PAPOLA: variants seen among roughly 807,000 people sequenced by gnomAD.
PAPOLA encodes polynucleotide adenylyltransferase alpha.
A neutral mutation model predicts 100.6 loss-of-function variants in PAPOLA; 15 were observed. The ratio of observed to expected loss-of-function variants is 0.15; its 90% CI spans 0.10 to 0.23. PAPOLA has a LOEUF of 0.23. Among genes scored for constraint, PAPOLA ranks in the 10% least tolerant of loss-of-function variants. The pLI is 1.00. For missense variants in PAPOLA, 533 were observed against 884.2 expected, an observed-to-expected ratio of 0.60 and a Z score of 5.04; for synonymous variants, 293 against 300.0, an observed-to-expected ratio of 0.98 and a Z score of 0.24.
At chr14:96,534,852 G>A (rs1337934687) in intron 10 of PAPOLA, 8 of 1,120,776 alleles carry the variant, frequency 7.1e-6, no homozygotes, top group Non-Finnish European at 8.7e-6. Flanking sequence ...AAGTTGTGTG[G>A]GCATTTGTGC....
Position 96,510,926 on chromosome 14 carries a change from T to C in PAPOLA, c.8+8326T>C, listed in dbSNP as rs147895699. On this transcript the variant is annotated intron_variant, in intron 1 of 21. Transcript: ENST00000216277. Reference sequence around the variant, plus strand: ...ATTTTGGCTAATAATTAATATTTAATGCACATTGAGATACTTTAGAGAGAT... The same window carrying C: ...ATTTTGGCTAATAATTAATATTTAACGCACATTGAGATACTTTAGAGAGAT... 9.7e-4 allele frequency among the ~76,000 whole-genome samples: 148 copies of C among 152,354 alleles called. 1 individual carries two copies. The highest frequency in any genetic ancestry group is 3.5e-3 in the African/African-American group (146 of 41,586).
At chr14:96,506,346 C>T (rs965876733) in intron 1 of PAPOLA, among the ~76,000 whole-genome samples, 2 of 152,132 alleles carry the variant, frequency 1.3e-5, no homozygotes, top group South Asian at 4.1e-4. Flanking sequence ...AAGCTGTATA[C>T]TGGGGAGTAG....
At chr14:96,520,919 A>G (rs770639962) in intron 2 of PAPOLA, 87 bp from the exon 3 acceptor site, 4 of 741,738 alleles carry the variant, frequency 5.4e-6, no homozygotes, top group Non-Finnish European at 9.8e-6. Context: ...AAAAACTCAT[A>G]ATTTAGGAAG....
In PAPOLA at chr14:96,531,722, T is replaced by C. The variant is rs1899035903; in HGVS notation, c.607+136T>C. The C allele has an allele frequency of 2.0e-6, 3 of 1,504,564 alleles. No individual in the cohort carries two copies. In the African/African-American group the frequency reaches 4.2e-5, roughly 21 times the overall value. 93.2% of individuals were successfully genotyped at this position (1,504,564 alleles called of 1,614,324 possible). ...TGAGTTAAATAAAATGAACTTTGCC[T>C]AATAAACTACAGAAGAGTATGTAGT... On this transcript the variant is annotated intron_variant, in intron 7 of 21. Transcript: ENST00000216277.
At chr14:96,532,073 G>A (rs559112117) in intron 7 of PAPOLA, 3 of 1,280,170 alleles carry the variant, frequency 2.3e-6, no homozygotes, top group East Asian at 6.8e-5. Context: ...TTCAAATTGG[G>A]GCAGGTTACA....
At chr14:96,511,852 C>G (rs1015093614) in intron 1 of PAPOLA, among the ~76,000 whole-genome samples, 2 of 152,168 alleles carry the variant, frequency 1.3e-5, no homozygotes, top group Non-Finnish European at 2.9e-5. Flanking sequence ...CTTCCTGGAG[C>G]AATAAATAAA....
intron 1 of PAPOLA, among the ~76,000 whole-genome samples, chr14:96,507,280 G>GTTTTTTGTTTTTTTTTTTTTTTTTT (rs1413020909): frequency 1.2e-5 from 1 of 80,720 alleles, no homozygotes; most frequent in African/African-American, 5.7e-5. Flanking sequence ...TTGGAAAATA[G>GTTTTTTGTTTTTTTTTTTTTTTTTT]TTTTTTTTTT....
At chr14:96,553,772 C>CA (rs1901056527) in intron 17 of PAPOLA, among the ~76,000 whole-genome samples, 1 of 152,150 alleles carries the variant, frequency 6.6e-6, no homozygotes. Context: ...CTGGCCTCCC[C>CA]AAAGTGCCAG....
At chr14:96,525,087 CAAT>C (rs1451022906) in intron 3 of PAPOLA, among the ~76,000 whole-genome samples, 1 of 152,052 alleles carries the variant, frequency 6.6e-6, no homozygotes, top group Non-Finnish European at 1.5e-5. Context: ...AAGAATCTAA[CAAT>C]AAAGAATAAA....
chr14:96,504,370 G>C (rs1373156331), intron 1 of PAPOLA: 2 of 152,192 alleles, frequency 1.3e-5, no homozygotes, highest in Non-Finnish European at 2.9e-5. Flanking sequence ...AAAGACCTTA[G>C]GTATTTCAAA....
chr14:96,548,064 A>G (rs1025519961), intron 16 of PAPOLA, 146 bp downstream of exon 16: 2 of 676,148 alleles, frequency 3.0e-6, no homozygotes, highest in African/African-American at 1.8e-5. Flanking sequence ...GAGCAGTTTC[A>G]TTATGTGAAA....
At chr14:96,507,749 C>A (rs1896832326) in intron 1 of PAPOLA, among the ~76,000 whole-genome samples, 1 of 152,064 alleles carries the variant, frequency 6.6e-6, no homozygotes, top group Non-Finnish European at 1.5e-5. Context: ...TTTTACAACT[C>A]GTAAAGGGGT....
At chr14:96,552,716 G>A in intron 17 of PAPOLA, 94 bp downstream of exon 17, 1 of 1,138,374 alleles carries the variant, frequency 8.8e-7, no homozygotes, top group South Asian at 1.9e-5. Context: ...TATTTAGAAT[G>A]TTATTTTCAT....
chr14:96,514,785 C>A (rs1475653854), intron 1 of PAPOLA, among the ~76,000 whole-genome samples: 4 of 152,138 alleles, frequency 2.6e-5, no homozygotes, highest in Non-Finnish European at 4.4e-5. Context: ...AGTTTGTTAT[C>A]CAAAGTAATG....
chr14:96,552,949 C>A lies in PAPOLA; in HGVS notation c.1664+327C>A, dbSNP rs1900968349. 3 of 212,050 alleles carry A rather than the reference C, an allele frequency of 1.4e-5. No individual in the cohort carries two copies. The South Asian group carries it at 3.8e-4, about 27-fold the overall frequency. 13.1% of individuals were successfully genotyped at this position (212,050 alleles called of 1,614,324 possible). ...TGCTGATGAGAACAGACAAAAGGAA[C>A]AAAACCACCTTTCTGTCCCAGAGCT... On this transcript the variant is annotated intron_variant, in intron 17 of 21. Coordinates refer to ENST00000216277, the MANE Select transcript of PAPOLA (RefSeq NM_032632.5).
At chr14:96,550,372 T>C (rs948524743) in intron 16 of PAPOLA, among the ~76,000 whole-genome samples, 1 of 152,190 alleles carries the variant, frequency 6.6e-6, no homozygotes, top group South Asian at 2.1e-4. Context: ...AATATTGATA[T>C]TTGGAACCAT....
intron 1 of PAPOLA, among the ~76,000 whole-genome samples, chr14:96,516,217 G>A (rs1370835077): frequency 6.6e-6 from 1 of 152,168 alleles, no homozygotes; most frequent in Non-Finnish European, 1.5e-5. Context: ...AGCTCCTTAA[G>A]CTCATGCTGA....
chr14:96,522,108 CTTTCTTTCTTTTTTTTT>C (rs1192644961), intron 3 of PAPOLA, among the ~76,000 whole-genome samples: 55 of 98,332 alleles, frequency 5.6e-4, no homozygotes, highest in African/African-American at 2.3e-3. Flanking sequence ...TAGCCTCTTT[CTTTCTTTCTTTTTTTTT>C]TTTTTTTTTT....
intron 17 of PAPOLA, among the ~76,000 whole-genome samples, chr14:96,555,328 C>T (rs28591440): frequency 6.6e-6 from 1 of 151,224 alleles, no homozygotes; most frequent in African/African-American, 2.4e-5. Flanking sequence ...TCCACCTCAC[C>T]TCCCAGAGTG....
Sources: allele counts gnomAD v4.1 joint callset (sites outside exome capture counted in the v4.1 genomes callset), GRCh38; gene constraint gnomAD v4.1.1; transcripts MANE v1.5; gene names NCBI Gene and HGNC (gene_info 2026-07-23, HGNC 2026-07-21).